ACOT7: variants seen among roughly 807,000 people sequenced by gnomAD.
ACOT7 encodes the protein cytosolic acyl coenzyme A thioester hydrolase.
A neutral mutation model predicts 40.2 loss-of-function variants in ACOT7; 12 were observed. The ratio of observed to expected loss-of-function variants is 0.30; its 90% confidence interval spans 0.19 to 0.48. The LOEUF (loss-of-function observed/expected upper bound fraction) is 0.48, where lower values mean the gene tolerates loss of function less well. Among genes scored for constraint, ACOT7 ranks in the 20% least tolerant of loss-of-function variants. The pLI is 0.99. For missense variants in ACOT7, 395 were observed against 530.8 expected (o/e 0.74, Z 2.51); for synonymous variants, 228 against 219.5 (o/e 1.04, Z -0.34).
chr1:6,369,841 A>G (rs915044436), intron 1 of ACOT7, among the ~76,000 whole-genome samples: 5 of 152,144 alleles, frequency 3.3e-5, no homozygotes, highest in South Asian at 2.1e-4. Flanking sequence ...CAGCCTCCCA[A>G]AGTGTTAGGA....
chr1:6,340,218 G>A (rs1018654164), intron 2 of ACOT7, among the ~76,000 whole-genome samples: 16 of 151,924 alleles, frequency 1.1e-4, no homozygotes, highest in African/African-American at 3.1e-4. Flanking sequence ...CGCCCGCCTC[G>A]GCCTCCCAAA....
intron 8 of ACOT7, among the ~76,000 whole-genome samples, chr1:6,268,796 C>T (rs1215608332): frequency 6.6e-6 from 1 of 152,260 alleles, no homozygotes; most frequent in Admixed American, 6.5e-5. Context: ...CCTCGAGTCC[C>T]CTAACGATCT....
intron 6 of ACOT7, among the ~76,000 whole-genome samples, chr1:6,312,049 G>A (rs934062951): frequency 2.0e-5 from 3 of 152,172 alleles, no homozygotes; most frequent in African/African-American, 7.2e-5. Context: ...GAGACATACA[G>A]ACCGGATCTG....
chr1:6,320,547 G>T (rs1333000156), intron 5 of ACOT7, among the ~76,000 whole-genome samples: 1 of 152,188 alleles, frequency 6.6e-6, no homozygotes, highest in East Asian at 1.9e-4. Context: ...TAGCTTTGAA[G>T]GTTACCTTGG....
At chr1:6,293,751 T>C (rs759933040) in intron 7 of ACOT7, among the ~76,000 whole-genome samples, 32 of 152,198 alleles carry the variant, frequency 2.1e-4, no homozygotes, top group Admixed American at 3.3e-4. Context: ...GCCAGAGACC[T>C]TCCTTCTCCT....
chr1:6,309,934 T>C (rs1246258091), intron 6 of ACOT7, among the ~76,000 whole-genome samples: 1 of 152,228 alleles, frequency 6.6e-6, no homozygotes, highest in African/African-American at 2.4e-5. Context: ...CCCTGTGTTA[T>C]CTCGTCTGTT....
chr1:6,279,294 G>T (rs1639286979), intron 8 of ACOT7, among the ~76,000 whole-genome samples: 1 of 152,168 alleles, frequency 6.6e-6, no homozygotes, highest in Admixed American at 6.5e-5. Context: ...GCCAAGGGCC[G>T]ATGGGTGGCA....
Position 6,393,755 on chromosome 1 carries a change from G to A in ACOT7, c.-356C>T, listed in dbSNP as rs925967647. On this transcript the variant is annotated 5_prime_UTR_variant, in exon 1 of 9. Transcript: ENST00000361521. ...CTTGGGCCCTCACTCTCCGCGCGGC[G>A]GTAAATATTTGTGCTGGGCGTTCCC... 13 of 166,134 alleles carry A rather than the reference G, an allele frequency of 7.8e-5. No homozygotes were observed. In the East Asian group the frequency reaches 2.2e-3, roughly 28 times the overall value. 10.3% of individuals were successfully genotyped at this position (166,134 alleles called of 1,614,324 possible). A position where few individuals can be genotyped will look rare whatever the true frequency, so the allele number is the denominator to read the frequency against.
At chr1:6,334,767 C>A (rs1048807067) in intron 3 of ACOT7, among the ~76,000 whole-genome samples, 7 of 152,224 alleles carry the variant, frequency 4.6e-5, no homozygotes, top group Non-Finnish European at 8.8e-5. Flanking sequence ...GTGTACACCC[C>A]TCACTTGTAC....
Position 6,306,734 on chromosome 1 carries a change from C to T in ACOT7, c.713-11754G>A, listed in dbSNP as rs759884539. 32 of 1,243,042 alleles carry T rather than the reference C, an allele frequency of 2.6e-5. No individual in the cohort carries two copies. Among genetic ancestry groups the T allele is most frequent in the Non-Finnish European group, 3.0e-5 (29 of 962,222 alleles). 77.0% of individuals were successfully genotyped at this position (1,243,042 alleles called of 1,614,324 possible). ...TCCTCAAGAGTAGGGAACAGCTCTT[C>T]GTCCACCTTTTTCCTTCCTTGCCCC... On this transcript the variant is annotated intron_variant, in intron 6 of 8. Coordinates refer to ENST00000361521, the MANE Select transcript of ACOT7 (RefSeq NM_007274.4). The surrounding 1 kb of genome is among the most constrained non-coding windows in gnomAD (Gnocchi z 4.3).
intron 6 of ACOT7, among the ~76,000 whole-genome samples, chr1:6,296,426 A>AT (rs1341679245): frequency 1.4e-5 from 2 of 145,526 alleles, no homozygotes; most frequent in Non-Finnish European, 3.0e-5. Flanking sequence ...TTCAATTTTT[A>AT]ATTTTTTTTT....
chr1:6,288,446 G>A lies in ACOT7; in HGVS notation c.829+6418C>T, dbSNP rs1387676096. On this transcript the variant is annotated intron_variant, in intron 7 of 8. Transcript: ENST00000361521. The surrounding 1 kb of genome is among the most constrained non-coding windows in gnomAD (Gnocchi z 4.3). ...GTTGGCGCAAAGGTGTAAGGGGACA[G>A]CTATGACAAGTGGCAGCCTGTCCTA... is the stretch of plus-strand genomic sequence containing the variant. 6.6e-6 allele frequency among the ~76,000 whole-genome samples: 1 copy of A among 152,238 alleles called. No homozygotes were observed. Among genetic ancestry groups the A allele is most frequent in the African/African-American group, 2.4e-5 (1 of 41,464 alleles).
intron 3 of ACOT7, 129 bp downstream of exon 3, chr1:6,339,304 G>T: frequency 7.7e-7 from 1 of 1,303,680 alleles, no homozygotes; most frequent in Non-Finnish European, 1.1e-6. Flanking sequence ...GGGCCATGGT[G>T]GGAGGTGAGA....
At chr1:6,325,570 A>G (rs763039739) in intron 5 of ACOT7, among the ~76,000 whole-genome samples, 7 of 152,168 alleles carry the variant, frequency 4.6e-5, no homozygotes, top group Non-Finnish European at 8.8e-5. Flanking sequence ...AAAGAAACCG[A>G]CCTACCCAGT....
rs372412501 is a variant in ACOT7, at chr1:6,359,599, G to A, written c.144-9733C>T. Among the ~76,000 whole-genome samples the A allele has an allele frequency of 1.6e-4, 24 of 152,162 alleles. No homozygotes were observed. Among genetic ancestry groups the A allele is most frequent in the African/African-American group, 5.1e-4 (21 of 41,504 alleles). On this transcript the variant is annotated intron_variant, in intron 1 of 8. Transcript: ENST00000361521. The surrounding 1 kb of genome is among the most constrained non-coding windows in gnomAD (Gnocchi z 4.1). ...CTGTGGGCCCTGTGCCCCCCAACCC[G>A]TACTCTCTTCACTCCGCCTCCCCTT...
chr1:6,331,386 C>T (rs894346808), intron 4 of ACOT7, among the ~76,000 whole-genome samples: 2 of 152,238 alleles, frequency 1.3e-5, no homozygotes, highest in African/African-American at 2.4e-5. Flanking sequence ...GCTTCAGTGA[C>T]GCAGCCTCAG....
At chr1:6,354,308 C>T (rs1641677293) in intron 1 of ACOT7, among the ~76,000 whole-genome samples, 1 of 152,192 alleles carries the variant, frequency 6.6e-6, no homozygotes, top group South Asian at 2.1e-4. Flanking sequence ...ACACCTTGGC[C>T]AAGTCCTGAA....
At chr1:6,353,492 G>A (rs1235330652) in intron 1 of ACOT7, among the ~76,000 whole-genome samples, 2 of 152,072 alleles carry the variant, frequency 1.3e-5, no homozygotes, top group Admixed American at 6.5e-5. Flanking sequence ...AAATTAGCGG[G>A]GCGTGGTGGT....
intron 4 of ACOT7, among the ~76,000 whole-genome samples, chr1:6,331,343 C>T (rs570069470): frequency 1.1e-4 from 16 of 152,342 alleles, no homozygotes; most frequent in African/African-American, 2.9e-4. Flanking sequence ...ACCCGTACTC[C>T]GGTAAGCAGG....
Sources: allele counts gnomAD v4.1 joint callset (sites outside exome capture counted in the v4.1 genomes callset), GRCh38; gene constraint gnomAD v4.1.1; non-coding constraint Gnocchi (gnomAD v3.1); transcripts MANE v1.5; gene names NCBI Gene and HGNC (gene_info 2026-07-23, HGNC 2026-07-21).